PLAGL1: variants seen among roughly 807,000 people sequenced by gnomAD.
PLAGL1 encodes zinc finger protein PLAGL1.
Under a neutral mutation model 4.6 loss-of-function variants are expected in PLAGL1, and 1 was observed. The observed-to-expected ratio is 0.22, with a 90% CI of 0.08 to 1.03. The LOEUF (loss-of-function observed/expected upper bound fraction) is 1.03, where lower values mean the gene tolerates loss of function less well. PLAGL1 is among the 50% of genes least tolerant of loss of function. The pLI is 0.58. For missense variants in PLAGL1, 464 were observed against 570.4 expected (o/e 0.81, Z 1.90); for synonymous variants, 240 against 237.8 (o/e 1.01, Z -0.08).
intron 2 of PLAGL1, among the ~76,000 whole-genome samples, chr6:143,977,083 T>TCCCCCCCCC (rs55975019): frequency 5.1e-5 from 7 of 136,916 alleles, no homozygotes; most frequent in Non-Finnish European, 9.7e-5. Flanking sequence ...TATACTCCCT[T>TCCCCCCCCC]CCCCCCCCCC....
At chr6:144,046,642 G>T (rs910766954) in intron 1 of PLAGL1, among the ~76,000 whole-genome samples, 1 of 152,210 alleles carries the variant, frequency 6.6e-6, no homozygotes, top group Non-Finnish European at 1.5e-5. Context: ...GCTACACGGG[G>T]GTCAGGGACC....
At chr6:143,998,940 A>T (rs1792258662) in intron 1 of PLAGL1, among the ~76,000 whole-genome samples, 2 of 152,218 alleles carry the variant, frequency 1.3e-5, no homozygotes, top group African/African-American at 4.8e-5. Context: ...CCAGACAAAA[A>T]AAAGGACCAT....
rs373103439 is a variant in PLAGL1 at position 143,953,451 on chromosome 6, G to A, written c.-324-4991C>T. ...AGTGAATTATTTCTCTAATATTCAG[G>A]GAAAAAATTGAGAAAGCTGTCCAGA... On this transcript the variant is annotated intron_variant, in intron 6 of 7. Coordinates refer to ENST00000674357, the MANE Select transcript of PLAGL1 (RefSeq NM_001317162.2). This position sits in a 1 kb window ranked among gnomAD's most constrained non-coding sequence, Gnocchi z 5.3. Among the ~76,000 whole-genome samples, 1 of 152,154 alleles carries A rather than the reference G, an allele frequency of 6.6e-6. No individual in the cohort carries two copies. Among genetic ancestry groups the A allele is most frequent in the Non-Finnish European group, 1.5e-5 (1 of 68,028 alleles).
chr6:143,977,830 C>T (rs1395255363), intron 2 of PLAGL1, among the ~76,000 whole-genome samples: 6 of 152,014 alleles, frequency 3.9e-5, no homozygotes, highest in East Asian at 3.8e-4. Context: ...TGATTGATTT[C>T]GTTTGTGTCA....
At chr6:144,024,261 C>A (rs984169308) in intron 1 of PLAGL1, among the ~76,000 whole-genome samples, 2 of 152,116 alleles carry the variant, frequency 1.3e-5, no homozygotes, top group Admixed American at 1.3e-4. Context: ...ATAAAAGGAA[C>A]CATGCCCCTT....
chr6:143,972,801 G>C lies in PLAGL1; in HGVS notation c.-543-3823C>G, dbSNP rs1170036314. Among the ~76,000 whole-genome samples the C allele has an allele frequency of 1.3e-5, 2 of 152,154 alleles. No individual in the cohort carries two copies. The highest frequency in any genetic ancestry group is 3.9e-4 in the East Asian group (2 of 5,188). On this transcript the variant is annotated intron_variant, in intron 2 of 7. Coordinates refer to ENST00000674357, the MANE Select transcript of PLAGL1 (RefSeq NM_001317162.2). This position sits in a 1 kb window ranked among gnomAD's most constrained non-coding sequence, Gnocchi z 6.8. Reference sequence around the variant, plus strand: ...CAAGGCAAAAATAAAAGAATCACCTGATTGTATCATGGTTAATATTTGTTT... The same window carrying C: ...CAAGGCAAAAATAAAAGAATCACCTCATTGTATCATGGTTAATATTTGTTT...
rs1793782776 is a variant in PLAGL1, at chr6:144,004,745, C to A, written c.-584+3345G>T. ...AGAACTAAAAAACATATGTAGAATTCAACATGGATAAAAAATATATTAAAT... is the reference window on the plus strand; with the variant it reads ...AGAACTAAAAAACATATGTAGAATTAAACATGGATAAAAAATATATTAAAT... On this transcript the variant is annotated intron_variant, in intron 1 of 7. Transcript: ENST00000674357. This position sits in a 1 kb window ranked among gnomAD's most constrained non-coding sequence, Gnocchi z 4.2. 6.6e-6 allele frequency among the ~76,000 whole-genome samples: 1 copy of A among 151,662 alleles called. No individual in the cohort carries two copies. The highest frequency in any genetic ancestry group is 6.6e-5 in the Admixed American group (1 of 15,234).
At position 143,952,620 on chromosome 6, in the gene PLAGL1, G is replaced by A. The variant is rs966059509; in HGVS notation, c.-324-4160C>T. Among the ~76,000 whole-genome samples the A allele has an allele frequency of 3.9e-5, 6 of 152,124 alleles. No homozygotes were observed. Among genetic ancestry groups the A allele is most frequent in the African/African-American group, 7.2e-5 (3 of 41,434 alleles). On this transcript the variant is annotated intron_variant, in intron 6 of 7. Transcript: ENST00000674357. This position sits in a 1 kb window ranked among gnomAD's most constrained non-coding sequence, Gnocchi z 6.1. ...AGCCAGGAAAGACTGTGTTCCCAGG[G>A]GACAGGGGTATACGAGGGTGGAGGG...
rs1267929221 is a variant in PLAGL1, at chr6:144,005,500, G to GAT, written c.-584+2588_-584+2589dup. 2 of 152,074 alleles carry GAT rather than the reference G, an allele frequency of 1.3e-5. No homozygotes were observed. The highest frequency in any genetic ancestry group is 4.8e-5 in the African/African-American group (2 of 41,418). The allele number at this position is 152,074 out of a possible 1,614,324, so 9.4% of individuals were successfully genotyped here. ...GGGAATCTGAAAATTAATTAAGCTT[G>GAT]ATCTCATAACATAAAATATATACAT... On this transcript the variant is annotated intron_variant, in intron 1 of 7. Coordinates refer to ENST00000674357, the MANE Select transcript of PLAGL1 (RefSeq NM_001317162.2). This position sits in a 1 kb window ranked among gnomAD's most constrained non-coding sequence, Gnocchi z 4.6.
intron 1 of PLAGL1, among the ~76,000 whole-genome samples, chr6:143,992,653 T>C (rs778077095): frequency 5.9e-5 from 9 of 152,194 alleles, no homozygotes; most frequent in Non-Finnish European, 1.2e-4. Context: ...GCAGATCTCC[T>C]GTCAAATTTA....
chr6:143,993,324 A>C (rs999063822), intron 1 of PLAGL1, among the ~76,000 whole-genome samples: 61 of 119,714 alleles, frequency 5.1e-4, no homozygotes, highest in South Asian at 5.8e-4. Context: ...AACAAAAAAC[A>C]AAACAAAACA....
In PLAGL1 at chr6:143,962,900, G is replaced by GTT. The variant is rs2079273273; in HGVS notation, c.-399+1885_-399+1886dup. 6.6e-6 allele frequency among the ~76,000 whole-genome samples: 1 copy of GTT among 152,210 alleles called. No individual in the cohort carries two copies. The highest frequency in any genetic ancestry group is 6.5e-5 in the Admixed American group (1 of 15,288). On this transcript the variant is annotated intron_variant, in intron 5 of 7. Coordinates refer to ENST00000674357, the MANE Select transcript of PLAGL1 (RefSeq NM_001317162.2). The surrounding 1 kb of genome is among the most constrained non-coding windows in gnomAD (Gnocchi z 5.3). Reference sequence around the variant, plus strand: ...TCTAGGCTGAAGATGTACAAGGTTTGTTTTTGAAAAGCCTCTCGAATATGT... The same window carrying GTT: ...TCTAGGCTGAAGATGTACAAGGTTTGTTTTTTTGAAAAGCCTCTCGAATATGT...
rs1791299133 is a variant in PLAGL1, at chr6:143,994,931, A to G, written c.-583-9757T>C. On this transcript the variant is annotated intron_variant, in intron 1 of 7. Coordinates refer to ENST00000674357, the MANE Select transcript of PLAGL1 (RefSeq NM_001317162.2). The surrounding 1 kb of genome is among the most constrained non-coding windows in gnomAD (Gnocchi z 4.3). ...CTCACGGAGGTAATTGGACTATGTCACATCTCTCAGTGATGCCTCTATCTT... is the reference window on the plus strand; with the variant it reads ...CTCACGGAGGTAATTGGACTATGTCGCATCTCTCAGTGATGCCTCTATCTT... 6.6e-6 allele frequency among the ~76,000 whole-genome samples: 1 copy of G among 152,224 alleles called. No homozygotes were observed. Among genetic ancestry groups the G allele is most frequent in the Admixed American group, 6.5e-5 (1 of 15,282 alleles).
intron 1 of PLAGL1, among the ~76,000 whole-genome samples, chr6:144,052,435 G>T (rs1295377938): frequency 6.6e-6 from 1 of 152,180 alleles, no homozygotes; most frequent in African/African-American, 2.4e-5. Flanking sequence ...CTACCACTTT[G>T]GGCAAGACAT....
At chr6:143,967,811 T>C (rs1427754044) in intron 3 of PLAGL1, 1 of 152,140 alleles carries the variant, frequency 6.6e-6, no homozygotes, top group African/African-American at 2.4e-5. Context: ...TAGTTAGCCT[T>C]CGGCCTGAGG....
At chr6:143,996,802 C>T (rs1478983887) in intron 1 of PLAGL1, among the ~76,000 whole-genome samples, 3 of 151,914 alleles carry the variant, frequency 2.0e-5, no homozygotes, top group African/African-American at 4.8e-5. Context: ...AGAAAAATTC[C>T]TCAAAAGATT....
At chr6:144,044,413 T>C (rs1797970971) in intron 1 of PLAGL1, among the ~76,000 whole-genome samples, 1 of 152,228 alleles carries the variant, frequency 6.6e-6, no homozygotes, top group African/African-American at 2.4e-5. Context: ...ACATCTTTAT[T>C]TCTGCTTCCA....
intron 1 of PLAGL1, among the ~76,000 whole-genome samples, chr6:144,028,436 CT>C (rs1378258620): frequency 6.6e-6 from 1 of 152,096 alleles, no homozygotes; most frequent in Non-Finnish European, 1.5e-5. Context: ...AAAAAAGACT[CT>C]GTCAAGTGTG....
intron 1 of PLAGL1, among the ~76,000 whole-genome samples, chr6:144,046,667 G>A (rs1367233902): frequency 1.3e-5 from 2 of 152,230 alleles, no homozygotes. Flanking sequence ...TGAGGAGGCA[G>A]TGTGTCTGTT....
Sources: allele counts gnomAD v4.1 joint callset (sites outside exome capture counted in the v4.1 genomes callset), GRCh38; gene constraint gnomAD v4.1.1; non-coding constraint Gnocchi (gnomAD v3.1); transcripts MANE v1.5; gene names NCBI Gene and HGNC (gene_info 2026-07-23, HGNC 2026-07-21).